RANBP2: variants seen among roughly 807,000 people sequenced by gnomAD.
RANBP2 encodes the protein RAN binding protein 2, also known as E3 SUMO-protein ligase RanBP2.
In RANBP2, 57 loss-of-function variants were observed where a neutral mutation model predicts 303.6. That is an observed-to-expected ratio of 0.19 (90% confidence interval 0.15 to 0.23). RANBP2 has a LOEUF of 0.23. RANBP2 is among the 10% of genes least tolerant of loss of function. The pLI, the probability that RANBP2 is intolerant of heterozygous loss-of-function variation, is 1.00. For missense variants in RANBP2, 3,138 were observed against 3,780.8 expected (o/e 0.83, Z 4.46); for synonymous variants, 1,167 against 1,301.5 (o/e 0.90, Z 2.23).
chr2:108,916,421 C>A, the RANBP2 span, among the ~76,000 whole-genome samples: 1 of 152,162 alleles, frequency 6.6e-6, no homozygotes, highest in Admixed American at 6.5e-5. Context: ...AGCACACAGA[C>A]TTGTGGGATG....
chr2:109,058,079 C>T, the RANBP2 span, among the ~76,000 whole-genome samples: 5 of 152,326 alleles, frequency 3.3e-5, no homozygotes, highest in South Asian at 4.1e-4. Flanking sequence ...CACAGCTCAC[C>T]TGTGTGCTGG....
chr2:109,410,785 G>T, the RANBP2 span, among the ~76,000 whole-genome samples: 44 of 152,342 alleles, frequency 2.9e-4, 1 homozygote, highest in African/African-American at 9.4e-4. Context: ...CCTTTCCTGG[G>T]CATGGGCTGC....
the RANBP2 span, chr2:109,617,908 A>T: frequency 1.8e-5 from 3 of 163,066 alleles, no homozygotes; most frequent in Non-Finnish European, 4.4e-5. Context: ...AGTCCCAGCT[A>T]CTTAGGAGGC....
the RANBP2 span, among the ~76,000 whole-genome samples, chr2:109,549,217 G>C: frequency 6.6e-6 from 1 of 152,234 alleles, no homozygotes; most frequent in Non-Finnish European, 1.5e-5. Context: ...AGGAGCAGGA[G>C]TGGGACAAAG....
chr2:109,115,053 G>C, the RANBP2 span, among the ~76,000 whole-genome samples: 72 of 151,522 alleles, frequency 4.8e-4, no homozygotes, highest in African/African-American at 1.6e-3. Flanking sequence ...TTACTTCCAA[G>C]TATGTGGTCA....
chr2:108,815,850 A>C, the RANBP2 span: 1 of 1,078,506 alleles, frequency 9.3e-7, no homozygotes, highest in South Asian at 1.6e-5. Flanking sequence ...CTTTAGTCAA[A>C]TTATTCTTAT....
At chr2:108,872,598 G>T in the RANBP2 span, among the ~76,000 whole-genome samples, 1 of 152,096 alleles carries the variant, frequency 6.6e-6, no homozygotes, top group Non-Finnish European at 1.5e-5. Flanking sequence ...GGGAAATCCA[G>T]TATCAAGATG....
chr2:109,389,724 T>TCCACTAGATAAATATATTATTC, the RANBP2 span, among the ~76,000 whole-genome samples: 1 of 151,928 alleles, frequency 6.6e-6, no homozygotes, highest in Non-Finnish European at 1.5e-5. Flanking sequence ...ATATATTATT[T>TCCACTAGATAAATATATTATTC]GGTCCACTAG....
the RANBP2 span, among the ~76,000 whole-genome samples, chr2:109,115,168 CA>C: frequency 6.6e-6 from 1 of 152,128 alleles, no homozygotes; most frequent in Non-Finnish European, 1.5e-5. Context: ...GAGCTGAGTT[CA>C]ATTCCCGGGT....
At chr2:109,296,038 T>G in the RANBP2 span, among the ~76,000 whole-genome samples, 1 of 152,066 alleles carries the variant, frequency 6.6e-6, no homozygotes, top group African/African-American at 2.4e-5. Flanking sequence ...GAAGGTGCTG[T>G]AATGAAGTTT....
At chr2:109,055,258 A>G in the RANBP2 span, among the ~76,000 whole-genome samples, 11 of 152,034 alleles carry the variant, frequency 7.2e-5, no homozygotes, top group Non-Finnish European at 1.2e-4. Flanking sequence ...TTGTTTTACT[A>G]TTATTAAAAT....
the RANBP2 span, among the ~76,000 whole-genome samples, chr2:109,657,712 GAGTTTT>G: frequency 7.7e-6 from 1 of 130,196 alleles, no homozygotes; most frequent in East Asian, 2.4e-4. Flanking sequence ...TGAATTAGCT[GAGTTTT>G]TTTTTTTTTT....
the RANBP2 span, among the ~76,000 whole-genome samples, chr2:109,684,056 C>T: frequency 6.6e-6 from 1 of 150,538 alleles, no homozygotes; most frequent in African/African-American, 2.4e-5. Flanking sequence ...ATTCTCCTGC[C>T]TCAGCCTCCA....
chr2:108,843,404 T>C, the RANBP2 span, among the ~76,000 whole-genome samples: 1 of 152,330 alleles, frequency 6.6e-6, no homozygotes, highest in Middle Eastern at 3.4e-3. Flanking sequence ...GTGATCCACC[T>C]GCCGTGGCCT....
the RANBP2 span, among the ~76,000 whole-genome samples, chr2:109,592,704 C>T: frequency 2.7e-5 from 4 of 150,706 alleles, no homozygotes; most frequent in Non-Finnish European, 5.9e-5. Flanking sequence ...CGCTTGAACC[C>T]GGGAGGCAGA....
At chr2:108,944,082 CTG>C in the RANBP2 span, among the ~76,000 whole-genome samples, 8 of 152,188 alleles carry the variant, frequency 5.3e-5, no homozygotes, top group African/African-American at 1.9e-4. Context: ...AGCAAACACT[CTG>C]TTCCTGTTTC....
Position 108,760,102 on chromosome 2 carries a change from A to G in RANBP2, c.2602+1554A>G, listed in dbSNP as rs1361253123. On this transcript the variant is annotated intron_variant, in intron 18 of 28. Transcript: ENST00000283195. ...AGATTCTTTTTCCTTAATAAAAGTA[A>G]ACATATATCAAGATGGTCCTTGTTT... is the stretch of plus-strand genomic sequence containing the variant. Among the ~76,000 whole-genome samples, 3 of 152,154 alleles carry G rather than the reference A, an allele frequency of 2.0e-5. No individual in the cohort carries two copies. In the East Asian group the frequency reaches 5.8e-4, roughly 29 times the overall value.
chr2:109,233,785 A>G, the RANBP2 span, among the ~76,000 whole-genome samples: 393 of 152,366 alleles, frequency 2.6e-3, 1 homozygote, highest in African/African-American at 8.5e-3. Flanking sequence ...CCAGAATGCC[A>G]TATAAATAGG....
the RANBP2 span, among the ~76,000 whole-genome samples, chr2:109,213,768 C>T: frequency 2.0e-5 from 3 of 152,134 alleles, no homozygotes; most frequent in African/African-American, 2.4e-5. Context: ...AGGAACGTGA[C>T]GTGGTCTCAC....
Sources: gnomAD v4.1 joint callset for allele counts (sites outside exome capture counted in the v4.1 genomes callset) on GRCh38, gnomAD v4.1.1 for gene constraint, MANE v1.5 for transcripts, NCBI Gene and HGNC (gene_info 2026-07-23, HGNC 2026-07-21) for gene names.